The following MAST3 variants were observed in gnomAD, a reference collection of about 807,000 sequenced individuals.
MAST3 encodes the protein microtubule-associated serine/threonine-protein kinase 3.
In MAST3, 43 loss-of-function variants were observed where a neutral mutation model predicts 127.0. That is an observed-to-expected ratio of 0.34 (90% CI 0.27 to 0.44). The LOEUF (loss-of-function observed/expected upper bound fraction) is 0.44, where lower values mean the gene tolerates loss of function less well. Ranked by LOEUF, MAST3 falls within the 20% of genes least tolerant of loss-of-function variation. MAST3 has a pLI of 1.00. For missense variants in MAST3, 1,390 were observed against 1,919.1 expected (o/e 0.72, Z 5.15); for synonymous variants, 785 against 809.2 (o/e 0.97, Z 0.51).
chr19:18,114,142 T>C (rs988848169), intron 3 of MAST3, among the ~76,000 whole-genome samples: 1 of 151,440 alleles, frequency 6.6e-6, no homozygotes, highest in African/African-American at 2.4e-5. Context: ...GGGTATAATA[T>C]GCATTATACC....
At chr19:18,117,950 G>A in intron 3 of MAST3, 1 of 206,578 alleles carries the variant, frequency 4.8e-6, no homozygotes, top group Non-Finnish European at 8.4e-6. Flanking sequence ...TCCGCCTCCC[G>A]ACAGGCCCCG....
chr19:18,126,332 G>A (rs542307499), intron 11 of MAST3, among the ~76,000 whole-genome samples: 19 of 152,310 alleles, frequency 1.2e-4, no homozygotes, highest in African/African-American at 4.6e-4. Flanking sequence ...GGAGGCTCTG[G>A]GAGGAGGCAG....
At chr19:18,132,150 G>A in intron 15 of MAST3, 103 bp downstream of exon 15, 3 of 1,488,642 alleles carry the variant, frequency 2.0e-6, no homozygotes, top group Non-Finnish European at 2.7e-6. Context: ...GGTGCATCCC[G>A]GGACCCTTCA....
At chr19:18,116,040 C>T (rs2039183505) in intron 3 of MAST3, among the ~76,000 whole-genome samples, 1 of 151,416 alleles carries the variant, frequency 6.6e-6, no homozygotes, top group Admixed American at 6.6e-5. Context: ...TCGCCCCTTG[C>T]AGTGTTCTCT....
At chr19:18,126,963 G>T (rs954219377) in intron 11 of MAST3, among the ~76,000 whole-genome samples, 10 of 151,610 alleles carry the variant, frequency 6.6e-5, no homozygotes, top group Admixed American at 6.6e-5. Context: ...TGTATTTTTA[G>T]TAGAGGCGGG....
Position 18,123,755 on chromosome 19 carries a change from C to A in MAST3, c.633+100C>A. On this transcript the variant is annotated intron_variant, in intron 8 of 27. Coordinates refer to ENST00000687212, the MANE Select transcript of MAST3 (RefSeq NM_001393504.1). The stretch of plus-strand genomic sequence containing the variant: ...TCCTGGCTATGTCCCCTTTGCCAGT[C>A]TGTTCATTTCTGTCTTTCCTTCCCC... The A allele has an allele frequency of 8.8e-7, 1 of 1,141,860 alleles. No homozygotes were observed. The highest frequency in any genetic ancestry group is 1.6e-5 in the African/African-American group (1 of 64,270). 70.7% of individuals were successfully genotyped at this position (1,141,860 alleles called of 1,614,324 possible). A position where few individuals can be genotyped will look rare whatever the true frequency, so the allele number is the denominator to read the frequency against.
intron 19 of MAST3, among the ~76,000 whole-genome samples, 154 bp downstream of exon 19, chr19:18,137,515 G>A (rs899186573): frequency 6.6e-6 from 1 of 152,222 alleles, no homozygotes; most frequent in African/African-American, 2.4e-5. Flanking sequence ...AAGAATCTAG[G>A]GCGTGTGTCG....
Position 18,143,763 on chromosome 19 carries a change from G to A in MAST3, c.2340G>A (p.Arg780=). The stretch of plus-strand genomic sequence containing the variant: ...TGATGCAGGCTCTTCCTCCCTGCAG[G>A]CTGAGGTCCTGGACATCCTCTGGAT... ...DYGRRLSADI[R]LRSWTSSGSS... is the part of the protein sequence containing the mutation. The change falls in exon 22 of 28, where the codon CGG becomes CGA. Residue 780 remains arginine, a splice_region_variant and synonymous_variant. Coordinates refer to ENST00000687212, the MANE Select transcript of MAST3 (RefSeq NM_001393504.1). 1 of 1,613,432 alleles carries A rather than the reference G, an allele frequency of 6.2e-7. No individual in the cohort carries two copies. The highest frequency in any genetic ancestry group is 8.5e-7 in the Non-Finnish European group (1 of 1,179,772).
rs997879582 is a variant in MAST3, at chr19:18,112,654, A to G, written c.161+1913A>G. Among the ~76,000 whole-genome samples the G allele has an allele frequency of 2.0e-4, 31 of 152,100 alleles. No homozygotes were observed. Among genetic ancestry groups the G allele is most frequent in the African/African-American group, 7.5e-4 (31 of 41,400 alleles). ...CTGGCCTAATGTTTGTATTTTTAGT[A>G]GAGGTGGGGTTTCATTATGTTGGCC... is the stretch of plus-strand genomic sequence containing the variant. On this transcript the variant is annotated intron_variant, in intron 3 of 27. Coordinates refer to ENST00000687212, the MANE Select transcript of MAST3 (RefSeq NM_001393504.1). This position sits in a 1 kb window ranked among gnomAD's most constrained non-coding sequence, Gnocchi z 4.1.
intron 7 of MAST3, 46 bp from the exon 8 acceptor site, chr19:18,123,534 G>T (rs1463861518): frequency 1.3e-6 from 2 of 1,488,032 alleles, no homozygotes; most frequent in Non-Finnish European, 1.8e-6. Context: ...CCTCCCCTGG[G>T]GTTGGTCTCA....
At chr19:18,111,882 G>A (rs527460274) in intron 3 of MAST3, among the ~76,000 whole-genome samples, 5 of 152,352 alleles carry the variant, frequency 3.3e-5, no homozygotes, top group African/African-American at 9.6e-5. Context: ...CTGGGCAACA[G>A]GGAGGTACCT....
Position 18,110,517 on chromosome 19 carries a change from CCTGAG to C in MAST3, c.72-130_72-126del. On this transcript the variant is annotated intron_variant, in intron 2 of 27. Transcript: ENST00000687212. This position sits in a 1 kb window ranked among gnomAD's most constrained non-coding sequence, Gnocchi z 4.3. ...CATCGGTCTGGCCCCGCCCTCACGT[CCTGAG>C]CTGAACCCAGAATCCCCGGTCTTGG... 1.2e-6 allele frequency: 1 copy of C among 867,720 alleles called. No homozygotes were observed. Among genetic ancestry groups the C allele is most frequent in the Non-Finnish European group, 1.4e-6 (1 of 721,920 alleles). 53.8% of individuals were successfully genotyped at this position (867,720 alleles called of 1,614,324 possible). A position where few individuals can be genotyped will look rare whatever the true frequency, so the allele number is the denominator to read the frequency against.
intron 13 of MAST3, 64 bp downstream of exon 13, chr19:18,129,015 G>C (rs2040969666): frequency 7.2e-7 from 1 of 1,391,292 alleles, no homozygotes; most frequent in Admixed American, 1.7e-5. Context: ...TGAGGCCCAG[G>C]CAGCTCCTGC....
chr19:18,128,099 A>T (rs964837943), intron 11 of MAST3, among the ~76,000 whole-genome samples: 1 of 152,184 alleles, frequency 6.6e-6, no homozygotes, highest in African/African-American at 2.4e-5. Flanking sequence ...AGATGTTAGG[A>T]GCTGACACCC....
chr19:18,128,483 C>A (rs977927278), intron 12 of MAST3, 25 bp downstream of exon 12: 1 of 1,550,062 alleles, frequency 6.5e-7, no homozygotes, highest in African/African-American at 1.4e-5. Flanking sequence ...CTGGGGGACC[C>A]CCGCTCATCT....
At chr19:18,131,209 ACTT>A (rs2041238028) in intron 14 of MAST3, among the ~76,000 whole-genome samples, 1 of 151,944 alleles carries the variant, frequency 6.6e-6, no homozygotes, top group Non-Finnish European at 1.5e-5. Flanking sequence ...TGAGGTCAGG[ACTT>A]CGAGACCAGC....
chr19:18,128,962 G>C lies in MAST3; in HGVS notation c.1223+11G>C, dbSNP rs780329977. On this transcript the variant is annotated intron_variant, in intron 13 of 27. Transcript: ENST00000687212. Reference sequence around the variant, plus strand: ...CAACGGAGCCTATGGGTGAGTCCCTGAGTCCTGCATAGACCCATTTCACAG... The same window carrying C: ...CAACGGAGCCTATGGGTGAGTCCCTCAGTCCTGCATAGACCCATTTCACAG... 1.7e-5 allele frequency: 27 copies of C among 1,612,834 alleles called. No individual in the cohort carries two copies. Among genetic ancestry groups the C allele is most frequent in the South Asian group, 3.3e-5 (3 of 91,050 alleles).
intron 16 of MAST3, 38 bp from the exon 17 acceptor site, chr19:18,134,778 TG>T: frequency 5.0e-6 from 8 of 1,613,700 alleles, no homozygotes; most frequent in Non-Finnish European, 6.8e-6. Flanking sequence ...TCTCTTGGGC[TG>T]GGGGCTGGCC....
intron 3 of MAST3, among the ~76,000 whole-genome samples, chr19:18,111,530 CTTTTTTTT>C (rs576984210): frequency 2.9e-5 from 3 of 103,254 alleles, no homozygotes; most frequent in Non-Finnish European, 3.6e-5. Flanking sequence ...TTTCCACAGA[CTTTTTTTT>C]TTTTTTTTTT....
Sources: gnomAD v4.1 joint callset for allele counts (sites outside exome capture counted in the v4.1 genomes callset) on GRCh38, gnomAD v4.1.1 for gene constraint, Gnocchi (gnomAD v3.1) non-coding constraint, MANE v1.5 for transcripts, NCBI Gene and HGNC (gene_info 2026-07-23, HGNC 2026-07-21) for gene names.